PRMT8: variants seen among roughly 807,000 people sequenced by gnomAD.
PRMT8 encodes protein arginine N-methyltransferase 8.
Under a neutral mutation model 47.1 loss-of-function variants are expected in PRMT8, and 7 were observed. The ratio of observed to expected loss-of-function variants is 0.15; its 90% CI spans 0.08 to 0.28. The LOEUF (loss-of-function observed/expected upper bound fraction) is 0.28. Among genes scored for constraint, PRMT8 ranks in the 10% least tolerant of loss-of-function variants. PRMT8 has a pLI of 1.00. For synonymous variants in PRMT8, 188 were observed against 186.5 expected, an observed-to-expected ratio of 1.01 and a Z score of -0.07; for missense variants, 237 against 505.4, an observed-to-expected ratio of 0.47 and a Z score of 5.09.
Position 3,569,431 on chromosome 12 carries a change from C to T in PRMT8, c.625-46C>T, listed in dbSNP as rs758817302. Reference sequence around the variant, plus strand: ...GCAGTTCAAAATGTGATGTCTTTGTCAGGTGAATAGATTACGAGACCCATT... The same window carrying T: ...GCAGTTCAAAATGTGATGTCTTTGTTAGGTGAATAGATTACGAGACCCATT... On this transcript the variant is annotated intron_variant, in intron 5 of 9. Coordinates refer to ENST00000382622, the MANE Select transcript of PRMT8 (RefSeq NM_019854.5). The surrounding 1 kb of genome is among the most constrained non-coding windows in gnomAD (Gnocchi z 8.2). 7 of 1,484,974 alleles carry T rather than the reference C, an allele frequency of 4.7e-6. No individual in the cohort carries two copies. Among genetic ancestry groups the T allele is most frequent in the Non-Finnish European group, 6.6e-6 (7 of 1,062,334 alleles). The allele number at this position is 1,484,974 out of a possible 1,614,324, so 92.0% of individuals were successfully genotyped here. A position where few individuals can be genotyped will look rare whatever the true frequency, so the allele number is the denominator to read the frequency against.
chr12:3,491,297 C>T lies in PRMT8; in HGVS notation c.-329C>T. ...GCAGCCTGGAGAGGATCCGCGACCG[C>T]CGCCGCCGCCGCCGCGGAGGCTTCG... On this transcript the variant is annotated 5_prime_UTR_variant, in exon 1 of 10. Transcript: ENST00000382622. 8.9e-7 allele frequency: 1 copy of T among 1,123,410 alleles called. No homozygotes were observed. The highest frequency in any genetic ancestry group is 1.1e-6 in the Non-Finnish European group (1 of 917,102). The allele number at this position is 1,123,410 out of a possible 1,614,324, so 69.6% of individuals were successfully genotyped here.
intron 1 of PRMT8, among the ~76,000 whole-genome samples, chr12:3,401,709 AT>A (rs1403043040): frequency 6.6e-6 from 1 of 152,154 alleles, no homozygotes; most frequent in Non-Finnish European, 1.5e-5. Context: ...CAAATCATGA[AT>A]GAACTCCCAT....
chr12:3,511,771 G>A (rs545526051), intron 1 of PRMT8, among the ~76,000 whole-genome samples: 1 of 152,304 alleles, frequency 6.6e-6, no homozygotes, highest in South Asian at 2.1e-4. Context: ...TTACATAGGT[G>A]TCAAGGATCT....
intron 1 of PRMT8, among the ~76,000 whole-genome samples, chr12:3,390,423 G>A (rs1291775079): frequency 6.6e-6 from 1 of 152,216 alleles, no homozygotes; most frequent in Non-Finnish European, 1.5e-5. Flanking sequence ...ACTTCATACA[G>A]CATGGCTTTG....
chr12:3,385,379 G>A (rs979510761), intron 1 of PRMT8, among the ~76,000 whole-genome samples: 2 of 152,126 alleles, frequency 1.3e-5, no homozygotes, highest in Non-Finnish European at 2.9e-5. Flanking sequence ...ATTCTGAGTG[G>A]TAGCAAGACA....
rs148754447 is a variant in PRMT8, at chr12:3,578,055, A to T, written c.828+1069A>T. The stretch of plus-strand genomic sequence containing the variant: ...GCTAATATATTATGTTGAACCATAT[A>T]AAACTATTGATATTTGACAGTTTTT... On this transcript the variant is annotated intron_variant, in intron 7 of 9. Coordinates refer to ENST00000382622, the MANE Select transcript of PRMT8 (RefSeq NM_019854.5). Among the ~76,000 whole-genome samples the T allele has an allele frequency of 4.8e-3, 723 of 151,418 alleles. 6 individuals carry two copies. Among genetic ancestry groups the T allele is most frequent in the African/African-American group, 0.016 (656 of 41,176 alleles).
chr12:3,468,354 G>A (rs1158528896), intron 1 of PRMT8, among the ~76,000 whole-genome samples: 2 of 152,318 alleles, frequency 1.3e-5, no homozygotes, highest in East Asian at 3.9e-4. Flanking sequence ...ATAGTTCTGC[G>A]ATGTGCACAG....
At chr12:3,382,560 T>C (rs1279213904) in intron 1 of PRMT8, among the ~76,000 whole-genome samples, 1 of 152,170 alleles carries the variant, frequency 6.6e-6, no homozygotes, top group Non-Finnish European at 1.5e-5. Flanking sequence ...CTTTTGCCCG[T>C]TTTCTAATTT....
intron 1 of PRMT8, among the ~76,000 whole-genome samples, chr12:3,424,375 C>T (rs1019517941): frequency 2.0e-5 from 3 of 152,072 alleles, no homozygotes; most frequent in African/African-American, 7.2e-5. Context: ...ATCCAAGTGG[C>T]GCAAATGACG....
At position 3,592,361 on chromosome 12, in the gene PRMT8, C is replaced by T. The variant is rs375814683; in HGVS notation, c.1101+9C>T. On this transcript the variant is annotated intron_variant, in intron 9 of 9. Transcript: ENST00000382622. ...CAAATGCCAAAAATGTGGTAAGTGC[C>T]GAGGGACATAAGGACATAAGGGAGA... 1.7e-5 allele frequency: 28 copies of T among 1,601,432 alleles called. No homozygotes were observed. The highest frequency in any genetic ancestry group is 3.3e-4 in the Middle Eastern group (2 of 6,058).
rs144639120 is a variant in PRMT8 at position 3,495,098 on chromosome 12, G to T, written c.75+3398G>T. ...TTCTGGAACATTTGCAAAGCCTCCA[G>T]TCCCACTCTCCTCTTCAGCCCATTG... On this transcript the variant is annotated intron_variant, in intron 1 of 9. Coordinates refer to ENST00000382622, the MANE Select transcript of PRMT8 (RefSeq NM_019854.5). 8.2e-3 allele frequency among the ~76,000 whole-genome samples: 1,250 copies of T among 152,222 alleles called. 36 individuals carry two copies. The highest frequency in any genetic ancestry group is 0.05 in the Admixed American group (758 of 15,282).
At chr12:3,395,997 G>C (rs1343626833) in intron 1 of PRMT8, among the ~76,000 whole-genome samples, 1 of 151,552 alleles carries the variant, frequency 6.6e-6, no homozygotes, top group African/African-American at 2.4e-5. Context: ...GATCTTTGTT[G>C]GTTTAAAGTC....
intron 8 of PRMT8, among the ~76,000 whole-genome samples, chr12:3,585,650 G>T (rs78742634): frequency 0.035 from 5,252 of 151,906 alleles, 337 homozygotes; most frequent in African/African-American, 0.12. Flanking sequence ...TCATAGAAAG[G>T]CTTTTCCCAG....
intron 1 of PRMT8, among the ~76,000 whole-genome samples, chr12:3,459,112 C>T (rs952137924): frequency 6.6e-6 from 1 of 152,334 alleles, no homozygotes; most frequent in East Asian, 1.9e-4. Context: ...CTTCATCCCC[C>T]AAACTCTTCT....
At chr12:3,561,164 C>T (rs1866629744) in intron 4 of PRMT8, among the ~76,000 whole-genome samples, 1 of 152,196 alleles carries the variant, frequency 6.6e-6, no homozygotes, top group Admixed American at 6.5e-5. Context: ...TTGGAACATT[C>T]TCCTCTGGCC....
chr12:3,461,606 C>T (rs930152135), intron 1 of PRMT8, among the ~76,000 whole-genome samples: 1 of 152,194 alleles, frequency 6.6e-6, no homozygotes, highest in African/African-American at 2.4e-5. Context: ...GGAACTGTGT[C>T]CTCAGCAGAC....
intron 1 of PRMT8, among the ~76,000 whole-genome samples, chr12:3,523,210 C>T (rs2137144061): frequency 6.6e-6 from 1 of 152,244 alleles, no homozygotes; most frequent in Admixed American, 6.5e-5. Context: ...TCTGGTAAAC[C>T]ACCCAATTTC....
At position 3,583,285 on chromosome 12, in the gene PRMT8, G is replaced by A. The variant is rs1026522092; in HGVS notation, c.979+77G>A. On this transcript the variant is annotated intron_variant, in intron 8 of 9. Transcript: ENST00000382622. The surrounding 1 kb of genome is among the most constrained non-coding windows in gnomAD (Gnocchi z 4.7). ...AGTCTTTGTGGGGTGACCAGAGCTG[G>A]CCTTGACTTGGGGAGAAGGGGCTGG... 2 of 1,469,524 alleles carry A rather than the reference G, an allele frequency of 1.4e-6. No individual in the cohort carries two copies. Among genetic ancestry groups the A allele is most frequent in the African/African-American group, 1.4e-5 (1 of 71,360 alleles). The allele number at this position is 1,469,524 out of a possible 1,614,324, so 91.0% of individuals were successfully genotyped here.
intron 1 of PRMT8, among the ~76,000 whole-genome samples, chr12:3,414,940 C>A (rs535914658): frequency 7.2e-5 from 11 of 152,182 alleles, no homozygotes; most frequent in African/African-American, 2.6e-4. Context: ...AAAACAGCAA[C>A]ATTTGGGCAG....
Sources: gnomAD v4.1 joint callset for allele counts (sites outside exome capture counted in the v4.1 genomes callset) on GRCh38, gnomAD v4.1.1 for gene constraint, Gnocchi (gnomAD v3.1) non-coding constraint, MANE v1.5 for transcripts, NCBI Gene and HGNC (gene_info 2026-07-23, HGNC 2026-07-21) for gene names.